Variants in ADGRE1 observed in about 807,000 individuals in gnomAD.
The protein encoded by ADGRE1 is adhesion G protein-coupled receptor E1, also known as EGF-like module receptor 1.
In ADGRE1, 82 loss-of-function variants were observed where a neutral mutation model predicts 102.7. The observed-to-expected ratio is 0.80, with a 90% CI of 0.67 to 0.96. The LOEUF (loss-of-function observed/expected upper bound fraction) is 0.96. Among genes scored for constraint, ADGRE1 ranks in the 40% least tolerant of loss-of-function variants. ADGRE1 has a pLI of 0.00. For missense variants in ADGRE1, 1,032 were observed against 1,085.3 expected (o/e 0.95, Z 0.69); for synonymous variants, 398 against 399.6 (o/e 1.00, Z 0.05).
intron 9 of ADGRE1, among the ~76,000 whole-genome samples, chr19:6,907,741 A>G (rs1183621822): frequency 2.6e-5 from 4 of 152,168 alleles, no homozygotes; most frequent in Non-Finnish European, 5.9e-5. Flanking sequence ...GGATTTGTCT[A>G]TTCTTGACAT....
At position 6,921,636 on chromosome 19, in the gene ADGRE1, T is replaced by G. The variant is rs1033888473; in HGVS notation, c.1621-77T>G. The G allele has an allele frequency of 7.7e-6, 11 of 1,432,572 alleles. No homozygotes were observed. In the South Asian group the frequency reaches 1.6e-4, roughly 21 times the overall value. The allele number at this position is 1,432,572 out of a possible 1,614,324, so 88.7% of individuals were successfully genotyped here. On this transcript the variant is annotated intron_variant, in intron 13 of 20. Transcript: ENST00000312053. ...GTGTATTCTTGTTCCCAGTGACTCT[T>G]GAGGATGGTCACATTTAATCCATTT...
intron 10 of ADGRE1, among the ~76,000 whole-genome samples, chr19:6,912,863 T>C (rs1568348949): frequency 6.6e-6 from 1 of 152,244 alleles, no homozygotes; most frequent in Non-Finnish European, 1.5e-5. Flanking sequence ...TCAAAGGGTA[T>C]ATGCAATTTA....
intron 13 of ADGRE1, 120 bp downstream of exon 13, chr19:6,919,867 CCAGCAATTCAAG>C: frequency 1.0e-6 from 1 of 960,118 alleles, no homozygotes; most frequent in South Asian, 1.6e-5. Flanking sequence ...TCCACAATTT[CCAGCAATTCAAG>C]CCAATTAACA....
chr19:6,919,882 A>G, intron 13 of ADGRE1, 135 bp downstream of exon 13: 1 of 789,246 alleles, frequency 1.3e-6, no homozygotes, highest in Non-Finnish European at 2.0e-6. Flanking sequence ...AATTCAAGCC[A>G]ATTAACAGAA....
At chr19:6,915,920 CAAA>C (rs67370670) in intron 11 of ADGRE1, among the ~76,000 whole-genome samples, 7 of 59,170 alleles carry the variant, frequency 1.2e-4, no homozygotes, top group South Asian at 8.3e-4. Flanking sequence ...GACTCCGTCT[CAAA>C]AAAAAAAAAA....
At chr19:6,890,063 C>T (rs896523067) in intron 1 of ADGRE1, among the ~76,000 whole-genome samples, 8 of 152,082 alleles carry the variant, frequency 5.3e-5, no homozygotes, top group Non-Finnish European at 1.2e-4. Flanking sequence ...CAAGTTGTCA[C>T]CACCACCCAG....
intron 17 of ADGRE1, among the ~76,000 whole-genome samples, chr19:6,929,161 A>T (rs1298421088): frequency 6.6e-6 from 1 of 152,092 alleles, no homozygotes; most frequent in Non-Finnish European, 1.5e-5. Context: ...GCCTCATGCT[A>T]AGGAAATCAA....
chr19:6,906,540 T>G lies in ADGRE1; in HGVS notation c.1038+19T>G. 6.2e-7 allele frequency: 1 copy of G among 1,606,972 alleles called. No individual in the cohort carries two copies. The highest frequency in any genetic ancestry group is 8.5e-7 in the Non-Finnish European group (1 of 1,176,204). ...TGCATATGCAAGTATTTTTTAAGGT[T>G]CCTAGTTTTTGAGGTTTTCTTAGAA... On this transcript the variant is annotated intron_variant, in intron 9 of 20. Coordinates refer to ENST00000312053, the MANE Select transcript of ADGRE1 (RefSeq NM_001974.5).
At chr19:6,914,450 C>T (rs1272155418) in intron 11 of ADGRE1, among the ~76,000 whole-genome samples, 1 of 152,170 alleles carries the variant, frequency 6.6e-6, no homozygotes, top group Non-Finnish European at 1.5e-5. Flanking sequence ...CAAGACTGAT[C>T]CTTTCCTGAC....
At chr19:6,930,824 A>C (rs1975108456) in intron 17 of ADGRE1, among the ~76,000 whole-genome samples, 1 of 151,936 alleles carries the variant, frequency 6.6e-6, no homozygotes, top group Admixed American at 6.6e-5. Flanking sequence ...TTTTTAGTAG[A>C]GACGGGATTT....
At chr19:6,918,533 T>C (rs1974492662) in intron 12 of ADGRE1, among the ~76,000 whole-genome samples, 1 of 151,990 alleles carries the variant, frequency 6.6e-6, no homozygotes, top group African/African-American at 2.4e-5. Flanking sequence ...TGGTACTGTC[T>C]GGTTGGGACA....
At chr19:6,898,026 G>C in intron 5 of ADGRE1, 1 of 219,344 alleles carries the variant, frequency 4.6e-6, no homozygotes, top group South Asian at 1.3e-4. Context: ...AAATTTCATG[G>C]ATGGTTGAGT....
In ADGRE1 at chr19:6,929,562, A is replaced by G. The variant is rs139990511; in HGVS notation, c.2289+1351A>G. ...TTTTTAGACGGAGTCTCACTCTGTC[A>G]CCCACGCTGGAGTGCAGTGGTGCAA... On this transcript the variant is annotated intron_variant, in intron 17 of 20. Coordinates refer to ENST00000312053, the MANE Select transcript of ADGRE1 (RefSeq NM_001974.5). 2.0e-3 allele frequency among the ~76,000 whole-genome samples: 308 copies of G among 151,680 alleles called. 1 individual carries two copies. Among genetic ancestry groups the G allele is most frequent in the African/African-American group, 6.7e-3 (278 of 41,356 alleles).
At chr19:6,924,271 T>C (rs960704914) in intron 14 of ADGRE1, among the ~76,000 whole-genome samples, 2 of 151,954 alleles carry the variant, frequency 1.3e-5, no homozygotes, top group Admixed American at 6.6e-5. Flanking sequence ...CACCATGAAA[T>C]TGGGGACTGG....
chr19:6,905,907 A>G lies in ADGRE1; in HGVS notation c.950-526A>G, dbSNP rs565254356. The stretch of plus-strand genomic sequence containing the variant: ...CATTCTATCTCCTTGTATCCTCCTT[A>G]GACAGCCACTTGGAATTTTGTGTTT... On this transcript the variant is annotated intron_variant, in intron 8 of 20. Transcript: ENST00000312053. Among the ~76,000 whole-genome samples, 13 of 152,260 alleles carry G rather than the reference A, an allele frequency of 8.5e-5. No homozygotes were observed. The South Asian group carries it at 2.7e-3, about 32-fold the overall frequency.
At chr19:6,889,496 C>A (rs760639954) in intron 1 of ADGRE1, among the ~76,000 whole-genome samples, 6 of 151,732 alleles carry the variant, frequency 4.0e-5, no homozygotes, top group Non-Finnish European at 7.4e-5. Flanking sequence ...CGAGACCATC[C>A]TGGCCAACAT....
At chr19:6,891,098 A>C (rs1042915235) in intron 2 of ADGRE1, 1 of 152,392 alleles carries the variant, frequency 6.6e-6, no homozygotes, top group African/African-American at 2.4e-5. Context: ...GGGCGGGGCC[A>C]GTTGGAGATA....
intron 5 of ADGRE1, among the ~76,000 whole-genome samples, chr19:6,901,188 T>C (rs747804097): frequency 2.0e-5 from 3 of 152,256 alleles, no homozygotes; most frequent in Non-Finnish European, 4.4e-5. Flanking sequence ...TTTCACCATG[T>C]AGCTACACCT....
intron 5 of ADGRE1, among the ~76,000 whole-genome samples, chr19:6,898,990 T>A (rs983945356): frequency 1.3e-5 from 2 of 152,172 alleles, no homozygotes; most frequent in African/African-American, 4.8e-5. Flanking sequence ...AGGTTAATAT[T>A]GATATTTGAG....
Sources: allele counts gnomAD v4.1 joint callset (sites outside exome capture counted in the v4.1 genomes callset), GRCh38; gene constraint gnomAD v4.1.1; transcripts MANE v1.5; gene names NCBI Gene and HGNC (gene_info 2026-07-23, HGNC 2026-07-21).